The following AUTS2 variants were observed in gnomAD, a reference collection of about 807,000 sequenced individuals.
The protein encoded by AUTS2 is activator of transcription and developmental regulator AUTS2.
In AUTS2, 17 loss-of-function variants were observed where a neutral mutation model predicts 112.4. The ratio of observed to expected loss-of-function variants is 0.15; its 90% CI spans 0.10 to 0.23. The LOEUF is 0.23. Ranked by LOEUF, AUTS2 falls within the 10% of genes least tolerant of loss-of-function variation. The probability of loss-of-function intolerance (pLI) is 1.00; values close to 1 mark genes in which losing one functional copy is unlikely to be tolerated. For synonymous variants in AUTS2, 751 were observed against 702.7 expected, an observed-to-expected ratio of 1.07 and a Z score of -1.09; for missense variants, 1,510 against 1,701.6, an observed-to-expected ratio of 0.89 and a Z score of 1.98.
intron 5 of AUTS2, among the ~76,000 whole-genome samples, chr7:70,455,054 A>G (rs1796679361): frequency 6.6e-6 from 1 of 152,114 alleles, no homozygotes; most frequent in African/African-American, 2.4e-5. Context: ...CCCACCACAC[A>G]GACTTCCACA....
intron 4 of AUTS2, among the ~76,000 whole-genome samples, chr7:70,283,407 A>G (rs535902887): frequency 6.6e-6 from 1 of 152,176 alleles, no homozygotes; most frequent in Non-Finnish European, 1.5e-5. Flanking sequence ...ATGTACCTCT[A>G]AAAAACTACA....
Position 70,763,947 on chromosome 7 carries a change from G to T in AUTS2, c.1214+606G>T, listed in dbSNP as rs181055890. 3.1e-3 allele frequency among the ~76,000 whole-genome samples: 474 copies of T among 152,196 alleles called. 18 individuals are homozygous for T. Among genetic ancestry groups the T allele is most frequent in the Admixed American group, 0.027 (413 of 15,290 alleles). On this transcript the variant is annotated intron_variant, in intron 7 of 18. Transcript: ENST00000342771. ...AGGCTCTCTCCTCTGTCTTGTTTTT[G>T]CCAAGTTACAAAGAAGCGTCTAAAA... is the stretch of plus-strand genomic sequence containing the variant.
intron 5 of AUTS2, among the ~76,000 whole-genome samples, chr7:70,650,416 A>G (rs906366380): frequency 5.9e-5 from 9 of 152,230 alleles, no homozygotes; most frequent in Non-Finnish European, 1.2e-4. Flanking sequence ...CTGGGCAACC[A>G]ACAGGGTCTG....
chr7:70,724,443 CTTTTTTTTTTT>C (rs71077675), intron 6 of AUTS2, among the ~76,000 whole-genome samples: 1 of 101,386 alleles, frequency 9.9e-6, no homozygotes, highest in African/African-American at 3.4e-5. Context: ...TTCATCCTGA[CTTTTTTTTTTT>C]TTTTTTTTTG....
At chr7:69,752,690 C>T (rs1049334804) in intron 1 of AUTS2, among the ~76,000 whole-genome samples, 1 of 152,080 alleles carries the variant, frequency 6.6e-6, no homozygotes. Flanking sequence ...GGAAAATTGT[C>T]GAGTTCATAA....
intron 1 of AUTS2, among the ~76,000 whole-genome samples, chr7:69,759,857 C>T (rs1247107011): frequency 7.3e-6 from 1 of 136,790 alleles, no homozygotes; most frequent in East Asian, 2.3e-4. Flanking sequence ...TTCATGTCTT[C>T]AATTTACTGG....
At chr7:69,689,680 ATTTATTTATTTATTTG>A (rs1477030150) in intron 1 of AUTS2, among the ~76,000 whole-genome samples, 147 of 66,684 alleles carry the variant, frequency 2.2e-3, no homozygotes, top group African/African-American at 0.012. Flanking sequence ...TTATTTATTT[ATTTATTTATTTATTTG>A]AGACAGAGTC....
intron 5 of AUTS2, among the ~76,000 whole-genome samples, chr7:70,608,164 C>T (rs1046898711): frequency 3.9e-5 from 6 of 152,118 alleles, no homozygotes; most frequent in African/African-American, 1.4e-4. Context: ...ACAGCAATGG[C>T]ACAGTCATAG....
chr7:70,421,511 G>A (rs1732415715), intron 4 of AUTS2, among the ~76,000 whole-genome samples: 1 of 152,202 alleles, frequency 6.6e-6, no homozygotes, highest in Non-Finnish European at 1.5e-5. Flanking sequence ...TCTGTCACAG[G>A]GGTGTTGTGA....
chr7:69,995,971 T>C (rs1486441474), intron 2 of AUTS2, among the ~76,000 whole-genome samples: 3 of 152,222 alleles, frequency 2.0e-5, no homozygotes, highest in Non-Finnish European at 4.4e-5. Flanking sequence ...CAGCCCACTT[T>C]GCTGTTCTTG....
chr7:70,026,925 T>C (rs559664627), intron 2 of AUTS2, among the ~76,000 whole-genome samples: 2 of 152,286 alleles, frequency 1.3e-5, no homozygotes, highest in East Asian at 3.9e-4. Context: ...TCCTAAGTTA[T>C]AATGGTTTGA....
intron 5 of AUTS2, among the ~76,000 whole-genome samples, chr7:70,653,493 C>T (rs1281841500): frequency 6.6e-6 from 1 of 152,196 alleles, no homozygotes; most frequent in Non-Finnish European, 1.5e-5. Context: ...CTATACCTCT[C>T]TGAGATCCAG....
At chr7:70,049,238 C>T (rs1451252900) in intron 2 of AUTS2, among the ~76,000 whole-genome samples, 2 of 152,156 alleles carry the variant, frequency 1.3e-5, no homozygotes, top group Non-Finnish European at 2.9e-5. Context: ...AATGAACAAT[C>T]CAGTAGTGTT....
At chr7:70,491,589 TTGTGTGTGTGTG>T (rs71077660) in intron 5 of AUTS2, among the ~76,000 whole-genome samples, 56 of 138,802 alleles carry the variant, frequency 4.0e-4, no homozygotes, top group African/African-American at 7.3e-4. Context: ...TGTATATATA[TTGTGTGTGTGTG>T]TGTGTGTGTG....
chr7:69,684,537 C>T (rs567962212), intron 1 of AUTS2, among the ~76,000 whole-genome samples: 1 of 152,232 alleles, frequency 6.6e-6, no homozygotes, highest in Admixed American at 6.5e-5. Flanking sequence ...AGGGAAATGG[C>T]GCCTCTGAGC....
At chr7:70,397,013 C>T (rs1794115657) in intron 4 of AUTS2, among the ~76,000 whole-genome samples, 1 of 152,142 alleles carries the variant, frequency 6.6e-6, no homozygotes, top group African/African-American at 2.4e-5. Flanking sequence ...GTTCCACCTC[C>T]TCACATCTTC....
At chr7:70,278,580 A>AACATACATACAT (rs59363161) in intron 4 of AUTS2, among the ~76,000 whole-genome samples, 13 of 149,760 alleles carry the variant, frequency 8.7e-5, no homozygotes, top group South Asian at 2.2e-4. Context: ...GTCTCTCAAA[A>AACATACATACAT]ACATACATAC....
intron 4 of AUTS2, among the ~76,000 whole-genome samples, chr7:70,362,146 T>C (rs569757142): frequency 6.6e-6 from 1 of 152,330 alleles, no homozygotes; most frequent in Admixed American, 6.5e-5. Flanking sequence ...ACTACTTCCA[T>C]CAGCAGGAAT....
chr7:70,187,467 A>G (rs1809663351), intron 4 of AUTS2, among the ~76,000 whole-genome samples: 1 of 152,120 alleles, frequency 6.6e-6, no homozygotes, highest in Admixed American at 6.5e-5. Context: ...CTTGCCTTTC[A>G]GATATATATA....
Sources: allele counts gnomAD v4.1 joint callset (sites outside exome capture counted in the v4.1 genomes callset), GRCh38; gene constraint gnomAD v4.1.1; transcripts MANE v1.5; gene names NCBI Gene and HGNC (gene_info 2026-07-23, HGNC 2026-07-21).